The following CLMN variants were observed in gnomAD, a reference collection of about 807,000 sequenced individuals.
CLMN encodes calmin (calponin-like, transmembrane).
Under a neutral mutation model 92.7 loss-of-function variants are expected in CLMN, and 57 were observed. The ratio of observed to expected loss-of-function variants is 0.61; its 90% CI spans 0.50 to 0.77. CLMN has a LOEUF of 0.77. CLMN is among the 30% of genes least tolerant of loss of function. The pLI is 0.00. For synonymous variants in CLMN, 466 were observed against 470.6 expected, an observed-to-expected ratio of 0.99 and a Z score of 0.13; for missense variants, 1,158 against 1,237.5, an observed-to-expected ratio of 0.94 and a Z score of 0.96.
chr14:95,206,951 C>T (rs1897061487), intron 8 of CLMN, among the ~76,000 whole-genome samples: 1 of 139,212 alleles, frequency 7.2e-6, no homozygotes, highest in Admixed American at 7.3e-5. Context: ...ATAATAATCA[C>T]TACTTTTTTT....
intron 1 of CLMN, among the ~76,000 whole-genome samples, chr14:95,298,433 C>T (rs1479024588): frequency 6.6e-6 from 1 of 152,126 alleles, no homozygotes; most frequent in African/African-American, 2.4e-5. Flanking sequence ...GTGCAAGGAA[C>T]CAGAAACTGT....
Position 95,256,525 on chromosome 14 carries a change from G to T in CLMN, c.83-26392C>A, listed in dbSNP as rs1209608498. Among the ~76,000 whole-genome samples, 1 of 152,184 alleles carries T rather than the reference G, an allele frequency of 6.6e-6. No individual in the cohort carries two copies. The highest frequency in any genetic ancestry group is 1.5e-5 in the Non-Finnish European group (1 of 68,036). On this transcript the variant is annotated intron_variant, in intron 1 of 12. Coordinates refer to ENST00000298912, the MANE Select transcript of CLMN (RefSeq NM_024734.4). The surrounding 1 kb of genome is among the most constrained non-coding windows in gnomAD (Gnocchi z 4.9). Reference sequence around the variant, plus strand: ...TGGCCTCCTGGAGTACCTCCCACCTGCTGCTGGGCCCACGGCAGGGTAACT... The same window carrying T: ...TGGCCTCCTGGAGTACCTCCCACCTTCTGCTGGGCCCACGGCAGGGTAACT...
intron 4 of CLMN, among the ~76,000 whole-genome samples, chr14:95,219,554 A>G (rs1431891218): frequency 6.6e-6 from 1 of 152,152 alleles, no homozygotes; most frequent in Admixed American, 6.5e-5. Flanking sequence ...TTTAGCCCCA[A>G]AAACTCTCCC....
In CLMN at chr14:95,209,254, C is replaced by T. The variant is rs1452135803; in HGVS notation, c.885+141G>A. On this transcript the variant is annotated intron_variant, in intron 8 of 12. Coordinates refer to ENST00000298912, the MANE Select transcript of CLMN (RefSeq NM_024734.4). The stretch of plus-strand genomic sequence containing the variant: ...TTCTGAAATTAAAACATGGTAAGGC[C>T]GTGCTCAAGGGACTTGGGAGCAACT... 5 of 727,408 alleles carry T rather than the reference C, an allele frequency of 6.9e-6. No individual in the cohort carries two copies. In the African/African-American group the frequency reaches 6.9e-5, roughly 10 times the overall value. 45.1% of individuals were successfully genotyped at this position (727,408 alleles called of 1,614,324 possible).
rs142215558 is a variant in CLMN, at chr14:95,200,369, T to TA, written c.2511+2468dup. On this transcript the variant is annotated intron_variant, in intron 9 of 12. Coordinates refer to ENST00000298912, the MANE Select transcript of CLMN (RefSeq NM_024734.4). ...GAAGGCAGGATTTTCCTTCTTTTTT[T>TA]ATCTTCCTGGCAGTGCCAGATGCAT... Among the ~76,000 whole-genome samples the TA allele has an allele frequency of 5.2e-3, 790 of 152,350 alleles. 13 individuals carry two copies. Among genetic ancestry groups the TA allele is most frequent in the Middle Eastern group, 0.031 (9 of 294 alleles).
At chr14:95,281,347 A>G (rs1482830498) in intron 1 of CLMN, among the ~76,000 whole-genome samples, 1 of 152,260 alleles carries the variant, frequency 6.6e-6, no homozygotes, top group Non-Finnish European at 1.5e-5. Flanking sequence ...TATACAGATC[A>G]TCAGGCCAAG....
chr14:95,283,525 T>C (rs1241547678), intron 1 of CLMN, among the ~76,000 whole-genome samples: 1 of 152,226 alleles, frequency 6.6e-6, no homozygotes, highest in Non-Finnish European at 1.5e-5. Context: ...CAAGACAATG[T>C]AGGAAAGTTT....
In CLMN at chr14:95,187,204, C is replaced by T. The variant is rs766548212; in HGVS notation, c.*4360G>A. ...CCCCTAAGCAACCTGTGAGATAACT[C>T]AAATGGGGTTTATGGATCAAGATGG... On this transcript the variant is annotated 3_prime_UTR_variant, in exon 13 of 13. Transcript: ENST00000298912. 6.6e-6 allele frequency: 1 copy of T among 152,222 alleles called. No individual in the cohort carries two copies. Among genetic ancestry groups the T allele is most frequent in the Non-Finnish European group, 1.5e-5 (1 of 68,070 alleles). 9.4% of individuals were successfully genotyped at this position (152,222 alleles called of 1,614,324 possible).
chr14:95,267,993 T>G (rs1014945314), intron 1 of CLMN, among the ~76,000 whole-genome samples: 1 of 152,050 alleles, frequency 6.6e-6, no homozygotes, highest in African/African-American at 2.4e-5. Context: ...GAAAATGAAT[T>G]TATGGTTATC....
rs756100008 is a variant in CLMN, at chr14:95,204,149, C to T, written c.1200G>A (p.Glu400=). 3 of 1,614,176 alleles carry T rather than the reference C, an allele frequency of 1.9e-6. No homozygotes were observed. In the East Asian group the frequency reaches 6.7e-5, roughly 36 times the overall value. ...GGPGKTSDIS[E]PSPESSILSS... ...ATAAAATGGAGGATTCTGGAGATGG[C>T]TCACTGATGTCGCTGGTCTTACCTG... Residue 400 remains glutamate, a synonymous_variant, in exon 9 of 13, where the codon GAG becomes GAA. Transcript: ENST00000298912.
chr14:95,221,628 C>G, intron 4 of CLMN, 63 bp downstream of exon 4: 1 of 1,466,336 alleles, frequency 6.8e-7, no homozygotes, highest in Non-Finnish European at 9.5e-7. Flanking sequence ...CACTGAACTT[C>G]AAATGACGTC....
rs189947246 is a variant in CLMN, at chr14:95,259,922, C to G, written c.83-29789G>C. ...GCTTGCCTGGGGCTCCAGGCCTTTG[C>G]ACACGCTGTTCCTGCTGTCTGGCAC... On this transcript the variant is annotated intron_variant, in intron 1 of 12. Coordinates refer to ENST00000298912, the MANE Select transcript of CLMN (RefSeq NM_024734.4). This position sits in a 1 kb window ranked among gnomAD's most constrained non-coding sequence, Gnocchi z 4.3. Among the ~76,000 whole-genome samples the G allele has an allele frequency of 0.014, 2,157 of 152,232 alleles. 64 individuals are homozygous for G. The highest frequency in any genetic ancestry group is 0.048 in the African/African-American group (1,988 of 41,528).
intron 1 of CLMN, among the ~76,000 whole-genome samples, chr14:95,251,034 G>C (rs566308369): frequency 6.6e-6 from 1 of 152,260 alleles, no homozygotes; most frequent in South Asian, 2.1e-4. Flanking sequence ...GGACCACCTG[G>C]AGCCAAACAT....
intron 1 of CLMN, among the ~76,000 whole-genome samples, chr14:95,274,137 C>T (rs559248569): frequency 2.0e-5 from 3 of 152,162 alleles, no homozygotes; most frequent in Non-Finnish European, 2.9e-5. Flanking sequence ...TTTACTTTCC[C>T]TAATTTGCCA....
rs1461569376 is a variant in CLMN at position 95,227,615 on chromosome 14, T to TCAG, written c.144+2454_144+2456dup. ...TCCATTGACAGTTCCTATAAGAGCC[T>TCAG]CAGCAGCAGCAGCAAACAGGGCCTT... On this transcript the variant is annotated intron_variant, in intron 2 of 12. Transcript: ENST00000298912. 3.9e-5 allele frequency among the ~76,000 whole-genome samples: 6 copies of TCAG among 152,258 alleles called. No individual in the cohort carries two copies. The East Asian group carries it at 1.2e-3, about 29-fold the overall frequency.
chr14:95,240,077 A>G (rs1898192306), intron 1 of CLMN, among the ~76,000 whole-genome samples: 1 of 152,208 alleles, frequency 6.6e-6, no homozygotes, highest in South Asian at 2.1e-4. Flanking sequence ...TGCACCATAG[A>G]TCTGAGGTGT....
In CLMN at chr14:95,186,373, C is replaced by T. The variant is rs770708837; in HGVS notation, c.*5191G>A. ...GACGCCCATGTTCTGGGTGGCTGCCCGAGGGGCAGCAAGAGTGTCCTGCTT... is the reference window on the plus strand; with the variant it reads ...GACGCCCATGTTCTGGGTGGCTGCCTGAGGGGCAGCAAGAGTGTCCTGCTT... On this transcript the variant is annotated 3_prime_UTR_variant, in exon 13 of 13. Transcript: ENST00000298912. 4 of 152,158 alleles carry T rather than the reference C, an allele frequency of 2.6e-5. No homozygotes were observed. The highest frequency in any genetic ancestry group is 1.9e-4 in the East Asian group (1 of 5,194). The allele number at this position is 152,158 out of a possible 1,614,324, so 9.4% of individuals were successfully genotyped here.
intron 4 of CLMN, among the ~76,000 whole-genome samples, chr14:95,219,749 G>A (rs1200438553): frequency 6.6e-6 from 1 of 152,160 alleles, no homozygotes; most frequent in African/African-American, 2.4e-5. Flanking sequence ...CAACAGAAAG[G>A]GAGGCTTTTA....
intron 1 of CLMN, among the ~76,000 whole-genome samples, chr14:95,248,084 A>G (rs1898641537): frequency 6.6e-6 from 1 of 151,872 alleles, no homozygotes; most frequent in African/African-American, 2.4e-5. Context: ...CAGCTCAACT[A>G]ATTTCTTCAA....
Sources: gnomAD v4.1 joint callset for allele counts (sites outside exome capture counted in the v4.1 genomes callset) on GRCh38, gnomAD v4.1.1 for gene constraint, Gnocchi (gnomAD v3.1) non-coding constraint, MANE v1.5 for transcripts, NCBI Gene and HGNC (gene_info 2026-07-23, HGNC 2026-07-21) for gene names.